Variants in CAST observed in about 807,000 individuals in gnomAD.
CAST encodes calpastatin, also known as MIR583 host.
CAST carries 76 observed loss-of-function variants against 119.6 expected under a neutral mutation model. The observed-to-expected ratio is 0.64, with a 90% CI of 0.53 to 0.77. CAST has a LOEUF of 0.77. Ranked by LOEUF, CAST falls within the 30% of genes least tolerant of loss-of-function variation. The probability of loss-of-function intolerance (pLI) is 0.00; values close to 1 mark genes in which losing one functional copy is unlikely to be tolerated. For missense variants in CAST, 953 were observed against 946.5 expected, an observed-to-expected ratio of 1.01 and a Z score of -0.09; for synonymous variants, 319 against 331.6, an observed-to-expected ratio of 0.96 and a Z score of 0.41.
chr5:96,603,954 G>A (rs558250017), intron 1 of CAST, among the ~76,000 whole-genome samples: 3 of 151,728 alleles, frequency 2.0e-5, no homozygotes, highest in Non-Finnish European at 4.4e-5. Flanking sequence ...TTGTAGAAAC[G>A]TGCCCTCCCT....
intron 1 of CAST, among the ~76,000 whole-genome samples, chr5:96,533,493 A>G (rs1456098729): frequency 6.6e-6 from 1 of 152,214 alleles, no homozygotes; most frequent in African/African-American, 2.4e-5. Flanking sequence ...TTATAATAAT[A>G]TTAAGACATA....
chr5:96,295,558 T>C, the CAST span, among the ~76,000 whole-genome samples: 1 of 152,212 alleles, frequency 6.6e-6, no homozygotes, highest in Non-Finnish European at 1.5e-5. Flanking sequence ...GTATCAAATC[T>C]TTACTAACTT....
At chr5:96,404,961 G>A in the CAST span, among the ~76,000 whole-genome samples, 1 of 152,180 alleles carries the variant, frequency 6.6e-6, no homozygotes, top group South Asian at 2.1e-4. Flanking sequence ...GTTTAGGCAA[G>A]GGCTCTTCAG....
intron 28 of CAST, 114 bp downstream of exon 28, chr5:96,767,596 T>C (rs1770450494): frequency 2.7e-6 from 2 of 741,590 alleles, no homozygotes; most frequent in African/African-American, 3.5e-5. Context: ...CCTGGTACTT[T>C]GTCAAAGCAT....
the CAST span, among the ~76,000 whole-genome samples, chr5:96,152,874 G>A: frequency 1.3e-5 from 2 of 152,226 alleles, no homozygotes; most frequent in African/African-American, 4.8e-5. Flanking sequence ...GCACCACTTA[G>A]TGAGGAACCG....
the CAST span, among the ~76,000 whole-genome samples, chr5:96,136,998 ACTG>A: frequency 6.6e-6 from 1 of 152,138 alleles, no homozygotes; most frequent in Non-Finnish European, 1.5e-5. Context: ...ATACAGTTAG[ACTG>A]CTTTGTCACA....
the CAST span, among the ~76,000 whole-genome samples, chr5:95,975,845 G>A: frequency 1.3e-5 from 2 of 152,066 alleles, no homozygotes; most frequent in Admixed American, 1.3e-4. Flanking sequence ...TGCCTACTGG[G>A]CCCTTAATGA....
the CAST span, among the ~76,000 whole-genome samples, chr5:96,354,468 A>C: frequency 4.6e-5 from 7 of 152,122 alleles, no homozygotes; most frequent in Middle Eastern, 3.4e-3. Flanking sequence ...AATGCCTGAG[A>C]TTCTATAATG....
chr5:95,963,725 CTTTTTT>C, the CAST span, among the ~76,000 whole-genome samples: 10 of 129,992 alleles, frequency 7.7e-5, no homozygotes, highest in African/African-American at 2.4e-4. Flanking sequence ...TTCTCTCTCT[CTTTTTT>C]TTTTTTTTTT....
intron 4 of CAST, among the ~76,000 whole-genome samples, chr5:96,725,454 T>C (rs770680613): frequency 9.2e-5 from 14 of 152,190 alleles, no homozygotes; most frequent in Non-Finnish European, 1.6e-4. Flanking sequence ...CATGGATGTC[T>C]TTAGGGAGTT....
chr5:95,974,092 C>T, the CAST span, among the ~76,000 whole-genome samples: 11,687 of 152,126 alleles, frequency 0.077, 996 homozygotes, highest in African/African-American at 0.21. Flanking sequence ...GACATTCCCT[C>T]AAGGGGCTTT....
chr5:96,628,371 C>G (rs567930964), intron 1 of CAST, among the ~76,000 whole-genome samples: 1 of 152,364 alleles, frequency 6.6e-6, no homozygotes, highest in East Asian at 1.9e-4. Context: ...TCTATAAACA[C>G]ACAGCATTCA....
chr5:96,244,728 A>G, the CAST span, among the ~76,000 whole-genome samples: 1 of 152,076 alleles, frequency 6.6e-6, no homozygotes, highest in South Asian at 2.1e-4. Flanking sequence ...ACTATAACAC[A>G]TTTTCATTTT....
the CAST span, among the ~76,000 whole-genome samples, chr5:96,367,506 C>T: frequency 2.0e-5 from 3 of 151,246 alleles, no homozygotes; most frequent in Admixed American, 6.6e-5. Flanking sequence ...TGTTTACCTA[C>T]TCAAGCCTCA....
the CAST span, among the ~76,000 whole-genome samples, chr5:96,289,560 C>G: frequency 1.3e-5 from 2 of 152,156 alleles, no homozygotes; most frequent in African/African-American, 4.8e-5. Flanking sequence ...ATGTAAGATG[C>G]GACTTGCTCC....
At chr5:96,745,009 G>GC (rs1279348589) in intron 16 of CAST, among the ~76,000 whole-genome samples, 3 of 152,134 alleles carry the variant, frequency 2.0e-5, no homozygotes, top group African/African-American at 7.2e-5. Context: ...ACCAGAGCAG[G>GC]CATTTCAAGA....
chr5:96,228,001 CTCTGTGTG>C, the CAST span, among the ~76,000 whole-genome samples: 509 of 136,712 alleles, frequency 3.7e-3, 2 homozygotes, highest in African/African-American at 0.013. Context: ...CTCTTTCTCT[CTCTGTGTG>C]TGTGTGTGTG....
chr5:96,349,190 A>G, the CAST span, among the ~76,000 whole-genome samples: 1 of 110,340 alleles, frequency 9.1e-6, no homozygotes, highest in African/African-American at 3.5e-5. Context: ...TCCCTATCCA[A>G]GGGAATTCAA....
At position 96,561,786 on chromosome 5, in the gene CAST, G is replaced by GGTTTT. The variant is rs1189100090; in HGVS notation, c.60+31906_60+31907insGTTTT. ...ATGTATATATGTGTATTATATATAT[G>GGTTTT]TTTTTTTTTGTTTTTTTTTTTTTTG... On this transcript the variant is annotated intron_variant, in intron 1 of 11. Transcript: ENST00000505143. Among the ~76,000 whole-genome samples the GGTTTT allele has an allele frequency of 1.3e-3, 133 of 105,422 alleles. 11 individuals carry two copies. The highest frequency in any genetic ancestry group is 1.3e-3 in the Non-Finnish European group (71 of 53,536). 69.2% of individuals were successfully genotyped at this position (105,422 alleles called of 152,430 possible). A position where few individuals can be genotyped will look rare whatever the true frequency, so the allele number is the denominator to read the frequency against.
Sources: allele counts gnomAD v4.1 joint callset (sites outside exome capture counted in the v4.1 genomes callset), GRCh38; gene constraint gnomAD v4.1.1; transcripts MANE v1.5; gene names NCBI Gene and HGNC (gene_info 2026-07-23, HGNC 2026-07-21).